Variants in SAMD4A observed in about 807,000 individuals in gnomAD.
SAMD4A encodes protein Smaug homolog 1.
Under a neutral mutation model 81.3 loss-of-function variants are expected in SAMD4A, and 33 were observed. The observed-to-expected ratio is 0.41, with a 90% CI of 0.31 to 0.54. The LOEUF is 0.54. Ranked by LOEUF, SAMD4A falls within the 20% of genes least tolerant of loss-of-function variation. SAMD4A has a pLI of 0.37. For missense variants in SAMD4A, 854 were observed against 951.1 expected (o/e 0.90, Z 1.34); for synonymous variants, 389 against 382.1 (o/e 1.02, Z -0.21).
chr14:54,748,142 C>T lies in SAMD4A; in HGVS notation c.980-673C>T, dbSNP rs75113935. Reference sequence around the variant, plus strand: ...AGATGCATCCGGATACATTCCATAGCTTGGAGAAATGGTCAGCGGACACAC... The same window carrying T: ...AGATGCATCCGGATACATTCCATAGTTTGGAGAAATGGTCAGCGGACACAC... On this transcript the variant is annotated intron_variant, in intron 4 of 12. Transcript: ENST00000554335. 9.7e-3 allele frequency among the ~76,000 whole-genome samples: 1,484 copies of T among 152,252 alleles called. 57 individuals carry two copies. Among genetic ancestry groups the T allele is most frequent in the East Asian group, 0.09 (467 of 5,180 alleles).
intron 2 of SAMD4A, among the ~76,000 whole-genome samples, chr14:54,574,800 A>G (rs937215751): frequency 6.6e-6 from 1 of 152,230 alleles, no homozygotes; most frequent in Non-Finnish European, 1.5e-5. Flanking sequence ...AAAGTGTCGT[A>G]GACCAGTTCT....
rs1365432096 is a variant in SAMD4A at position 54,737,099 on chromosome 14, A to T, written c.791A>T (p.Gln264Leu). 1 of 1,614,118 alleles carries T rather than the reference A, an allele frequency of 6.2e-7. No individual in the cohort carries two copies. The highest frequency in any genetic ancestry group is 1.1e-5 in the South Asian group (1 of 91,076). ...ACCCCACCCATGAATGTGCCAAACC[A>T]GCCTCTAGGACATGGATGGATGTCT... Reference protein sequence around the residue: ...SLTPPMNVPNQPLGHGWMSHE... With the variant: ...SLTPPMNVPNLPLGHGWMSHE... The change falls in exon 4 of 13, where the codon CAG becomes CTG. Residue 264 changes from glutamine to leucine, a missense_variant. By Grantham distance (113) the Gln-to-Leu change is moderately radical. Transcript: ENST00000554335.
chr14:54,702,768 T>C (rs2036753153), intron 3 of SAMD4A, 188 bp downstream of exon 3: 2 of 670,710 alleles, frequency 3.0e-6, no homozygotes, highest in East Asian at 2.7e-5. Context: ...AAGATGAAAA[T>C]ACTTGGGAAG....
chr14:54,702,395 A>G lies in SAMD4A; in HGVS notation c.530A>G (p.Tyr177Cys), dbSNP rs776233031. The change falls in exon 3 of 13, where the codon TAT becomes TGT. Residue 177 changes from tyrosine to cysteine, a missense_variant. Physicochemically the swap from Tyr to Cys is radical, Grantham distance 194 (BLOSUM62 -2). Coordinates refer to ENST00000554335, the MANE Select transcript of SAMD4A (RefSeq NM_015589.6). ...DSVDYGQTHY[Y>C]HQRQNSDDKL... ...GTGGATTATGGACAGACACACTACT[A>G]TCACCAAAGACAGAACTCTGATGAC... 3 of 1,614,134 alleles carry G rather than the reference A, an allele frequency of 1.9e-6. No homozygotes were observed. The highest frequency in any genetic ancestry group is 2.7e-5 in the African/African-American group (2 of 75,058).
At position 54,793,061 on chromosome 14, in the gene SAMD4A, A is replaced by G. The variant is rs1352302837; in HGVS notation, c.*4117A>G. 1 of 152,220 alleles carries G rather than the reference A, an allele frequency of 6.6e-6. No homozygotes were observed. The highest frequency in any genetic ancestry group is 1.5e-5 in the Non-Finnish European group (1 of 68,036). 9.4% of individuals were successfully genotyped at this position (152,220 alleles called of 1,614,324 possible). A position where few individuals can be genotyped will look rare whatever the true frequency, so the allele number is the denominator to read the frequency against. ...GCAATGCATATTTTTTAAATTTGTC[A>G]TATATGGAAAGAGCATGTTTGTTAC... is the stretch of plus-strand genomic sequence containing the variant. On this transcript the variant is annotated 3_prime_UTR_variant, in exon 13 of 13. Transcript: ENST00000554335.
At chr14:54,779,382 C>T (rs2038942779) in intron 11 of SAMD4A, among the ~76,000 whole-genome samples, 1 of 152,228 alleles carries the variant, frequency 6.6e-6, no homozygotes, top group Admixed American at 6.5e-5. Context: ...CAGTGTTTTC[C>T]TCCTGGCTGT....
Position 54,567,702 on chromosome 14 carries a change from T to A in SAMD4A, c.-215T>A. The A allele has an allele frequency of 1.9e-6, 1 of 535,266 alleles. No homozygotes were observed. Among genetic ancestry groups the A allele is most frequent in the Non-Finnish European group, 3.2e-6 (1 of 307,826 alleles). 33.2% of individuals were successfully genotyped at this position (535,266 alleles called of 1,614,324 possible). ...ATTTCCGTGCTACTGTCTGTCATCGTCTCTGGGGAAATCAGCCAGAACCAC... is the reference window on the plus strand; with the variant it reads ...ATTTCCGTGCTACTGTCTGTCATCGACTCTGGGGAAATCAGCCAGAACCAC... On this transcript the variant is annotated 5_prime_UTR_variant, in exon 2 of 13. Coordinates refer to ENST00000554335, the MANE Select transcript of SAMD4A (RefSeq NM_015589.6).
chr14:54,767,356 C>G (rs2038576866), intron 8 of SAMD4A, among the ~76,000 whole-genome samples: 1 of 152,088 alleles, frequency 6.6e-6, no homozygotes. Flanking sequence ...CAGGACACCT[C>G]CCTTCCTTCC....
chr14:54,669,990 G>A (rs1282016302), intron 2 of SAMD4A, among the ~76,000 whole-genome samples: 5 of 152,222 alleles, frequency 3.3e-5, no homozygotes, highest in African/African-American at 4.8e-5. Flanking sequence ...AAGAAAAAAC[G>A]TTCACACCCA....
chr14:54,774,764 A>C (rs536190002), intron 9 of SAMD4A, among the ~76,000 whole-genome samples, 170 bp from the exon 10 acceptor site: 1 of 148,530 alleles, frequency 6.7e-6, no homozygotes, highest in African/African-American at 2.5e-5. Context: ...CAGTGAGCCT[A>C]GATCTCACTA....
At chr14:54,730,176 G>A (rs1402153206) in intron 3 of SAMD4A, among the ~76,000 whole-genome samples, 1 of 152,226 alleles carries the variant, frequency 6.6e-6, no homozygotes, top group Non-Finnish European at 1.5e-5. Flanking sequence ...AGTAGTAAGA[G>A]CTGACACCAG....
In SAMD4A at chr14:54,737,363, G is replaced by A. The variant is rs73273360; in HGVS notation, c.979+76G>A. ...GAGACCAGAGGGTAAAAAAAGAGAGGTAGTCAGCAAGAGAGAAGGAGCCCA... is the reference window on the plus strand; with the variant it reads ...GAGACCAGAGGGTAAAAAAAGAGAGATAGTCAGCAAGAGAGAAGGAGCCCA... On this transcript the variant is annotated intron_variant, in intron 4 of 12. Coordinates refer to ENST00000554335, the MANE Select transcript of SAMD4A (RefSeq NM_015589.6). 2.5e-3 allele frequency: 3,957 copies of A among 1,561,178 alleles called. 101 individuals carry two copies. In the African/African-American group the frequency reaches 0.048, roughly 19 times the overall value.
intron 2 of SAMD4A, among the ~76,000 whole-genome samples, chr14:54,658,751 C>T (rs924621483): frequency 6.6e-6 from 1 of 152,246 alleles, no homozygotes. Flanking sequence ...GTCATTCCAT[C>T]TCCCCAGTGT....
At chr14:54,595,912 A>G (rs1317188045) in intron 2 of SAMD4A, among the ~76,000 whole-genome samples, 1 of 152,174 alleles carries the variant, frequency 6.6e-6, no homozygotes, top group Admixed American at 6.5e-5. Flanking sequence ...GATCTTAGTA[A>G]TTCAGAACTG....
intron 2 of SAMD4A, among the ~76,000 whole-genome samples, chr14:54,632,787 G>A (rs2034934020): frequency 6.6e-6 from 1 of 152,110 alleles, no homozygotes; most frequent in African/African-American, 2.4e-5. Context: ...AGCTCACTCT[G>A]TTTTAACTTT....
chr14:54,776,477 C>T lies in SAMD4A; in HGVS notation c.1981C>T (p.Gln661Ter). Reference protein sequence around the residue: ...SMPSRTHSSVQRTRSLPVHTS... With the variant: ...SMPSRTHSSV ...GCCAAGCCGCACCCACAGCTCAGTCCAGAGGACCCGCTCGCTGCCCGTGCA... is the reference window on the plus strand; with the variant it reads ...GCCAAGCCGCACCCACAGCTCAGTCTAGAGGACCCGCTCGCTGCCCGTGCA... Residue 661 changes from glutamine to a stop codon, truncating the protein, a stop_gained, in exon 11 of 13, where the codon CAG becomes TAG. Transcript: ENST00000554335. LOFTEE classifies it high-confidence loss of function. 6.3e-7 allele frequency: 1 copy of T among 1,597,182 alleles called. No homozygotes were observed. Among genetic ancestry groups the T allele is most frequent in the Non-Finnish European group, 8.5e-7 (1 of 1,172,520 alleles).
At chr14:54,613,957 A>G (rs2034429406) in intron 2 of SAMD4A, among the ~76,000 whole-genome samples, 1 of 152,252 alleles carries the variant, frequency 6.6e-6, no homozygotes, top group African/African-American at 2.4e-5. Context: ...AGTAACCTTT[A>G]AGAAACGACC....
At chr14:54,639,717 C>CCAG (rs1566561535) in intron 2 of SAMD4A, among the ~76,000 whole-genome samples, 14 of 152,036 alleles carry the variant, frequency 9.2e-5, no homozygotes, top group Non-Finnish European at 1.9e-4. Context: ...TAGCACTGTA[C>CCAG]TGTCATTTCT....
intron 2 of SAMD4A, among the ~76,000 whole-genome samples, chr14:54,699,436 C>G (rs1218909798): frequency 2.6e-5 from 4 of 152,146 alleles, no homozygotes; most frequent in Non-Finnish European, 5.9e-5. Context: ...CTGAATGTCT[C>G]CAGCCCTGTG....
Sources: allele counts gnomAD v4.1 joint callset (sites outside exome capture counted in the v4.1 genomes callset), GRCh38; gene constraint gnomAD v4.1.1; transcripts MANE v1.5; gene names NCBI Gene and HGNC (gene_info 2026-07-23, HGNC 2026-07-21).